AGBL1: variants seen among roughly 807,000 people sequenced by gnomAD.
AGBL1 encodes cytosolic carboxypeptidase 4.
A neutral mutation model predicts 118.9 loss-of-function variants in AGBL1; 130 were observed. The observed-to-expected ratio is 1.09, with a 90% confidence interval of 0.95 to 1.26. The LOEUF is 1.26. Ranked by LOEUF, AGBL1 falls within the 50% of genes most tolerant of loss-of-function variation. The pLI is 0.00. For missense variants in AGBL1, 1,584 were observed against 1,298.1 expected, an observed-to-expected ratio of 1.22 and a Z score of -3.38; for synonymous variants, 555 against 478.9, an observed-to-expected ratio of 1.16 and a Z score of -2.08.
At chr15:86,542,955 C>A (rs1287775486) in intron 19 of AGBL1, among the ~76,000 whole-genome samples, 1 of 151,892 alleles carries the variant, frequency 6.6e-6, no homozygotes, top group Non-Finnish European at 1.5e-5. Flanking sequence ...TTTGATCTTT[C>A]TTATTTATCC....
intron 22 of AGBL1, among the ~76,000 whole-genome samples, chr15:86,727,659 TAG>T (rs1425170129): frequency 3.3e-5 from 5 of 152,138 alleles, no homozygotes; most frequent in Non-Finnish European, 5.9e-5. Context: ...AAAAGTAAAA[TAG>T]AGTTTATCTA....
intron 21 of AGBL1, chr15:86,630,832 G>C (rs1384958536): frequency 6.6e-5 from 10 of 152,304 alleles, no homozygotes; most frequent in Admixed American, 4.6e-4. Flanking sequence ...AAAATGTAGA[G>C]GTAAGTAAAA....
chr15:86,946,895 G>A (rs1313431877), intron 23 of AGBL1, among the ~76,000 whole-genome samples: 1 of 150,542 alleles, frequency 6.6e-6, no homozygotes, highest in African/African-American at 2.4e-5. Flanking sequence ...AAATACTACA[G>A]GGAGGTGAGA....
intron 21 of AGBL1, among the ~76,000 whole-genome samples, chr15:86,594,606 T>C (rs1465241805): frequency 6.6e-6 from 1 of 152,198 alleles, no homozygotes; most frequent in Non-Finnish European, 1.5e-5. Flanking sequence ...AATATCTTTG[T>C]TTTGTTCTGT....
chr15:86,496,760 G>A (rs1256944034), intron 18 of AGBL1, among the ~76,000 whole-genome samples: 1 of 151,676 alleles, frequency 6.6e-6, no homozygotes, highest in Non-Finnish European at 1.5e-5. Flanking sequence ...ACATACAATT[G>A]TACATGACAG....
chr15:86,463,135 C>A (rs990890779), intron 18 of AGBL1, among the ~76,000 whole-genome samples: 1 of 152,184 alleles, frequency 6.6e-6, no homozygotes, highest in Non-Finnish European at 1.5e-5. Context: ...GCCATTCTAA[C>A]TGGTGTGAGA....
In AGBL1 at chr15:86,157,706, C is replaced by G. The variant is rs149292214; in HGVS notation, c.395-1227C>G. Among the ~76,000 whole-genome samples the G allele has an allele frequency of 2.0e-3, 311 of 152,290 alleles. 4 individuals are homozygous for G. Among genetic ancestry groups the G allele is most frequent in the Middle Eastern group, 0.02 (6 of 294 alleles). On this transcript the variant is annotated intron_variant, in intron 4 of 22. Coordinates refer to ENST00000614907, the MANE Select transcript of AGBL1 (RefSeq NM_001386094.1). ...TATCTTTTCCGTCAATTGTTAGCCA[C>G]TGTTGAATGTTCCAGCAAAGCTTTC... is the stretch of plus-strand genomic sequence containing the variant.
intron 1 of AGBL1, among the ~76,000 whole-genome samples, chr15:86,119,845 A>G (rs1897987889): frequency 6.6e-6 from 1 of 152,178 alleles, no homozygotes; most frequent in Non-Finnish European, 1.5e-5. Flanking sequence ...GGCTCCCCAC[A>G]AGGGACAAAA....
chr15:86,383,378 G>A (rs968563709), intron 17 of AGBL1, among the ~76,000 whole-genome samples: 18 of 151,652 alleles, frequency 1.2e-4, no homozygotes, highest in African/African-American at 1.7e-4. Context: ...ACTGAAGGTC[G>A]GGAGTTCAAG....
chr15:86,935,398 G>T (rs1439789844), intron 23 of AGBL1, among the ~76,000 whole-genome samples: 1 of 152,226 alleles, frequency 6.6e-6, no homozygotes, highest in Non-Finnish European at 1.5e-5. Flanking sequence ...CAGAGAAAGG[G>T]ATGGCTTAGG....
chr15:86,082,112 C>T (rs1474404175), intron 1 of AGBL1, among the ~76,000 whole-genome samples: 2 of 152,192 alleles, frequency 1.3e-5, no homozygotes, highest in Admixed American at 6.5e-5. Context: ...CCAAGTGCTT[C>T]CCTAAGCCCT....
At chr15:86,663,956 G>A (rs1030066923) in intron 21 of AGBL1, among the ~76,000 whole-genome samples, 4 of 152,138 alleles carry the variant, frequency 2.6e-5, no homozygotes, top group African/African-American at 9.7e-5. Context: ...ACATGGAAAT[G>A]TAATCACAGA....
At chr15:86,629,504 C>T (rs2084934093) in intron 21 of AGBL1, among the ~76,000 whole-genome samples, 1 of 152,136 alleles carries the variant, frequency 6.6e-6, no homozygotes, top group Non-Finnish European at 1.5e-5. Flanking sequence ...AACTATAGCA[C>T]TCAAACCCCA....
intron 10 of AGBL1, 38 bp downstream of exon 10, chr15:86,262,932 A>G (rs551065804): frequency 1.8e-5 from 26 of 1,485,248 alleles, no homozygotes; most frequent in Non-Finnish European, 2.2e-5. Flanking sequence ...TTGACGATGC[A>G]TGATGGGTTC....
At chr15:86,271,751 T>TTC in intron 15 of AGBL1, 45 bp downstream of exon 15, 3 of 1,512,546 alleles carry the variant, frequency 2.0e-6, no homozygotes, top group Non-Finnish European at 1.8e-6. Context: ...TCCTGTAATT[T>TTC]TCTCTCAATT....
chr15:86,656,087 C>G (rs1210528219), intron 21 of AGBL1, among the ~76,000 whole-genome samples: 2 of 152,078 alleles, frequency 1.3e-5, no homozygotes, highest in East Asian at 1.9e-4. Context: ...TTTTCTGCAC[C>G]TGCAGTGTAA....
intron 24 of AGBL1, among the ~76,000 whole-genome samples, chr15:87,011,987 A>G (rs2081564829): frequency 6.7e-6 from 1 of 148,308 alleles, no homozygotes; most frequent in African/African-American, 2.6e-5. Context: ...CATGAAACCT[A>G]AGAAAAAAAA....
intron 5 of AGBL1, among the ~76,000 whole-genome samples, chr15:86,178,678 T>G (rs556610899): frequency 6.6e-6 from 1 of 152,324 alleles, no homozygotes; most frequent in South Asian, 2.1e-4. Flanking sequence ...ATAAAAATTC[T>G]GTACAAACTC....
chr15:86,806,264 C>A (rs2078712699), intron 22 of AGBL1, among the ~76,000 whole-genome samples: 1 of 152,100 alleles, frequency 6.6e-6, no homozygotes, highest in African/African-American at 2.4e-5. Context: ...CTGGAATGAT[C>A]TCCACCACTT....
Sources: allele counts gnomAD v4.1 joint callset (sites outside exome capture counted in the v4.1 genomes callset), GRCh38; gene constraint gnomAD v4.1.1; transcripts MANE v1.5; gene names NCBI Gene and HGNC (gene_info 2026-07-23, HGNC 2026-07-21).